Variants in NECAB1 observed in about 807,000 individuals in gnomAD.
NECAB1 encodes the protein N-terminal EF-hand calcium-binding protein 1.
NECAB1 carries 29 observed loss-of-function variants against 57.5 expected under a neutral mutation model. The ratio of observed to expected loss-of-function variants is 0.50; its 90% CI spans 0.38 to 0.69. The LOEUF is 0.69. Ranked by LOEUF, NECAB1 falls within the 30% of genes least tolerant of loss-of-function variation. The pLI is 0.00. For missense variants in NECAB1, 372 were observed against 413.8 expected (o/e 0.90, Z 0.88); for synonymous variants, 142 against 147.7 (o/e 0.96, Z 0.28).
chr8:90,863,656 G>A (rs138940420), intron 3 of NECAB1, among the ~76,000 whole-genome samples: 694 of 152,252 alleles, frequency 4.6e-3, no homozygotes, highest in African/African-American at 7.1e-3. Context: ...ATAAGGAGAT[G>A]AGAGAGTGTT....
At position 90,791,844 on chromosome 8, in the gene NECAB1, C is replaced by A; in HGVS notation, c.-43C>A. 1 of 1,489,450 alleles carries A rather than the reference C, an allele frequency of 6.7e-7. No individual in the cohort carries two copies. The highest frequency in any genetic ancestry group is 9.1e-7 in the Non-Finnish European group (1 of 1,097,652). 92.3% of individuals were successfully genotyped at this position (1,489,450 alleles called of 1,614,324 possible). A position where few individuals can be genotyped will look rare whatever the true frequency, so the allele number is the denominator to read the frequency against. On this transcript the variant is annotated 5_prime_UTR_variant, in exon 1 of 13. Coordinates refer to ENST00000417640, the MANE Select transcript of NECAB1 (RefSeq NM_022351.5). ...CGCGCCCTTGCCAGAGCCGGTGCGT[C>A]CGCCTAGCCCCGCTCCGCCTGAGGC...
chr8:90,879,427 G>A (rs1245786730), intron 4 of NECAB1, among the ~76,000 whole-genome samples: 5 of 151,532 alleles, frequency 3.3e-5, no homozygotes, highest in African/African-American at 7.3e-5. Flanking sequence ...GAGATTATAC[G>A]CACGAGCCTC....
intron 2 of NECAB1, among the ~76,000 whole-genome samples, chr8:90,807,165 T>C (rs1176107730): frequency 2.0e-5 from 3 of 152,212 alleles, no homozygotes; most frequent in Non-Finnish European, 4.4e-5. Context: ...TCCTTGGTAG[T>C]CTGAATTATG....
intron 9 of NECAB1, among the ~76,000 whole-genome samples, chr8:90,939,340 G>A (rs1810614460): frequency 6.6e-6 from 1 of 152,206 alleles, no homozygotes; most frequent in Non-Finnish European, 1.5e-5. Context: ...GTTCTGCTAC[G>A]TTGATTGGCC....
intron 4 of NECAB1, among the ~76,000 whole-genome samples, chr8:90,880,034 T>C (rs973506003): frequency 2.0e-5 from 3 of 152,214 alleles, no homozygotes; most frequent in African/African-American, 7.2e-5. Context: ...AATATATCAG[T>C]CAATGGCAAT....
At chr8:90,904,925 A>C (rs1809602164) in intron 5 of NECAB1, among the ~76,000 whole-genome samples, 1 of 152,172 alleles carries the variant, frequency 6.6e-6, no homozygotes, top group Non-Finnish European at 1.5e-5. Flanking sequence ...ATACACAAAA[A>C]TCAATCCCAG....
At chr8:90,883,626 C>T (rs750511219) in intron 5 of NECAB1, among the ~76,000 whole-genome samples, 16 of 152,100 alleles carry the variant, frequency 1.1e-4, no homozygotes, top group Admixed American at 2.0e-4. Flanking sequence ...AGATACAATC[C>T]GTCATTATTT....
chr8:90,826,424 C>G (rs78776358), intron 3 of NECAB1, among the ~76,000 whole-genome samples: 6 of 151,920 alleles, frequency 3.9e-5, no homozygotes. Context: ...TAATAGTTGA[C>G]TCCTTAAATC....
intron 3 of NECAB1, among the ~76,000 whole-genome samples, chr8:90,869,813 G>A (rs1217041741): frequency 1.3e-5 from 2 of 152,090 alleles, no homozygotes; most frequent in Non-Finnish European, 2.9e-5. Context: ...AAGACTTGGG[G>A]GACTGTTAGA....
chr8:90,853,091 T>C (rs1352804158), intron 3 of NECAB1, among the ~76,000 whole-genome samples: 2 of 152,244 alleles, frequency 1.3e-5, no homozygotes, highest in African/African-American at 4.8e-5. Flanking sequence ...GAGGCTGCCA[T>C]GGGGCCTGCA....
At chr8:90,919,031 AT>A (rs1290869758) in intron 6 of NECAB1, among the ~76,000 whole-genome samples, 3 of 151,766 alleles carry the variant, frequency 2.0e-5, no homozygotes, top group Non-Finnish European at 4.4e-5. Flanking sequence ...GATGGAAATT[AT>A]TTCAAAATTC....
Position 90,955,756 on chromosome 8 carries a change from C to T in NECAB1, c.*244C>T, listed in dbSNP as rs955279516. The T allele has an allele frequency of 1.3e-5, 5 of 384,734 alleles. No homozygotes were observed. The highest frequency in any genetic ancestry group is 2.1e-5 in the African/African-American group (1 of 47,662). 23.8% of individuals were successfully genotyped at this position (384,734 alleles called of 1,614,324 possible). On this transcript the variant is annotated 3_prime_UTR_variant, in exon 13 of 13. Transcript: ENST00000417640. ...AAATGCTTTGCTACATTGTAACTCA[C>T]CTAAAACCTTTTAGTGACAAAATCC...
chr8:90,804,660 TTAAAA>T (rs1214281457), intron 2 of NECAB1, among the ~76,000 whole-genome samples: 5 of 152,186 alleles, frequency 3.3e-5, no homozygotes, highest in South Asian at 2.1e-4. Context: ...ATGATAACAA[TTAAAA>T]TAAAAGAGGA....
At chr8:90,862,960 T>A (rs1451517607) in intron 3 of NECAB1, among the ~76,000 whole-genome samples, 1 of 152,112 alleles carries the variant, frequency 6.6e-6, no homozygotes, top group Non-Finnish European at 1.5e-5. Flanking sequence ...TTTACATTTT[T>A]AAACTTTATA....
At chr8:90,875,481 C>A (rs1274238677) in intron 4 of NECAB1, among the ~76,000 whole-genome samples, 1 of 98,102 alleles carries the variant, frequency 1.0e-5, no homozygotes, top group Admixed American at 1.3e-4. Flanking sequence ...GAGCGAGACT[C>A]CGTCTCAAAA....
chr8:90,839,901 T>A (rs1042702419), intron 3 of NECAB1, among the ~76,000 whole-genome samples: 32 of 152,014 alleles, frequency 2.1e-4, no homozygotes, highest in African/African-American at 7.5e-4. Context: ...AAAAGATAGA[T>A]CTCCCCAAGG....
At chr8:90,810,770 A>C (rs999907507) in intron 2 of NECAB1, among the ~76,000 whole-genome samples, 23 of 152,234 alleles carry the variant, frequency 1.5e-4, no homozygotes, top group African/African-American at 5.3e-4. Context: ...AAGGGAACTC[A>C]CCTTTGATTT....
chr8:90,895,787 T>C (rs1353065003), intron 5 of NECAB1, among the ~76,000 whole-genome samples: 10 of 152,230 alleles, frequency 6.6e-5, no homozygotes, highest in African/African-American at 2.4e-4. Context: ...CCTGTGGCCA[T>C]AGAGGAAGTA....
Position 90,957,401 on chromosome 8 carries a change from C to T in NECAB1, c.*1889C>T, listed in dbSNP as rs1811050485. On this transcript the variant is annotated 3_prime_UTR_variant, in exon 13 of 13. Transcript: ENST00000417640. ...TTACTTGTTAAAAGGGTTCTGTTTT[C>T]ATTAACAGTACTAAGTGGAAGGGAT... is the stretch of plus-strand genomic sequence containing the variant. 1 of 151,674 alleles carries T rather than the reference C, an allele frequency of 6.6e-6. No homozygotes were observed. The highest frequency in any genetic ancestry group is 1.5e-5 in the Non-Finnish European group (1 of 67,818). The allele number at this position is 151,674 out of a possible 1,614,324, so 9.4% of individuals were successfully genotyped here.
Sources: allele counts gnomAD v4.1 joint callset (sites outside exome capture counted in the v4.1 genomes callset), GRCh38; gene constraint gnomAD v4.1.1; transcripts MANE v1.5; gene names NCBI Gene and HGNC (gene_info 2026-07-23, HGNC 2026-07-21).